Variants in ATG4C observed in about 807,000 individuals in gnomAD.
ATG4C encodes the protein cysteine protease ATG4C.
Under a neutral mutation model 57.6 loss-of-function variants are expected in ATG4C, and 56 were observed. The observed-to-expected ratio is 0.97, with a 90% confidence interval of 0.78 to 1.21. The LOEUF (loss-of-function observed/expected upper bound fraction) is 1.21. ATG4C is among the 50% of genes most tolerant of loss of function. The pLI is 0.00. For missense variants in ATG4C, 595 were observed against 529.8 expected, an observed-to-expected ratio of 1.12 and a Z score of -1.21; for synonymous variants, 157 against 174.1, an observed-to-expected ratio of 0.90 and a Z score of 0.78.
chr1:62,804,070 C>A (rs555801697), intron 2 of ATG4C, among the ~76,000 whole-genome samples: 2 of 150,440 alleles, frequency 1.3e-5, no homozygotes, highest in Non-Finnish European at 3.0e-5. Context: ...CTCAAGCATA[C>A]GATGTGGTCT....
At chr1:62,797,802 A>G (rs1664523270) in intron 1 of ATG4C, among the ~76,000 whole-genome samples, 1 of 151,830 alleles carries the variant, frequency 6.6e-6, no homozygotes, top group Non-Finnish European at 1.5e-5. Flanking sequence ...CTGGTTTTGT[A>G]TATACCATGC....
At chr1:62,846,427 A>T (rs147103323) in intron 10 of ATG4C, among the ~76,000 whole-genome samples, 1 of 152,162 alleles carries the variant, frequency 6.6e-6, no homozygotes, top group Non-Finnish European at 1.5e-5. Context: ...TGATGATCTC[A>T]TGCAGTCATA....
intron 10 of ATG4C, among the ~76,000 whole-genome samples, chr1:62,844,517 A>G (rs932200265): frequency 1.3e-5 from 2 of 152,188 alleles, no homozygotes; most frequent in East Asian, 1.9e-4. Flanking sequence ...GAATAATACT[A>G]TGGAGAGTCT....
chr1:62,803,233 A>C (rs1222361494), intron 1 of ATG4C, among the ~76,000 whole-genome samples: 1 of 152,232 alleles, frequency 6.6e-6, no homozygotes, highest in African/African-American at 2.4e-5. Context: ...AAACAAAACA[A>C]AATAATTAGA....
chr1:62,853,490 A>T (rs1666583306), intron 10 of ATG4C, among the ~76,000 whole-genome samples: 1 of 152,216 alleles, frequency 6.6e-6, no homozygotes, highest in South Asian at 2.1e-4. Context: ...TATGTTGCCC[A>T]GGCTGGAGTG....
chr1:62,816,582 T>G lies in ATG4C; in HGVS notation c.168T>G (p.Asp56Glu). The change falls in exon 4 of 11, where the codon GAT (aspartate) becomes GAG (glutamate). Residue 56 changes from aspartate to glutamate, a missense_variant. Asp to Glu is a conservative substitution (Grantham distance 45). Coordinates refer to ENST00000317868, the MANE Select transcript of ATG4C (RefSeq NM_032852.4). The stretch of plus-strand genomic sequence containing the variant: ...CGTATGTTTATTTTTTAGATGAAGA[T>G]AAAACGTTACCTGCAGAGTCGGGAT... The part of the protein sequence containing the change: ...KCYHFKYEDE[D>E]KTLPAESGCT... The G allele has an allele frequency of 6.2e-7, 1 of 1,605,130 alleles. No individual in the cohort carries two copies. The highest frequency in any genetic ancestry group is 8.5e-7 in the Non-Finnish European group (1 of 1,175,692).
At chr1:62,828,599 G>A (rs1665741899) in intron 6 of ATG4C, among the ~76,000 whole-genome samples, 1 of 152,060 alleles carries the variant, frequency 6.6e-6, no homozygotes, top group African/African-American at 2.4e-5. Context: ...CATTCAATAG[G>A]TTATCTGTTT....
At chr1:62,801,195 G>A (rs1159356580) in intron 1 of ATG4C, among the ~76,000 whole-genome samples, 2 of 152,174 alleles carry the variant, frequency 1.3e-5, no homozygotes, top group Non-Finnish European at 2.9e-5. Context: ...TAAGTACCAG[G>A]AACTATGCCA....
chr1:62,841,844 A>G (rs572097372), intron 10 of ATG4C, among the ~76,000 whole-genome samples: 1 of 152,368 alleles, frequency 6.6e-6, no homozygotes, highest in South Asian at 2.1e-4. Context: ...TTCTATTTGA[A>G]GAAGATTTTA....
chr1:62,814,163 C>T (rs1442706266), intron 3 of ATG4C, among the ~76,000 whole-genome samples: 2 of 152,184 alleles, frequency 1.3e-5, no homozygotes, highest in Non-Finnish European at 2.9e-5. Flanking sequence ...TATTGCGGCA[C>T]TATTCACAAT....
intron 10 of ATG4C, among the ~76,000 whole-genome samples, chr1:62,846,766 C>A (rs764108978): frequency 1.3e-5 from 2 of 152,172 alleles, no homozygotes; most frequent in Non-Finnish European, 2.9e-5. Context: ...ACTGCTCTTG[C>A]AACACTGGTC....
chr1:62,814,053 TAGAACC>T (rs1234133652), intron 3 of ATG4C, among the ~76,000 whole-genome samples: 1 of 152,168 alleles, frequency 6.6e-6, no homozygotes, highest in Admixed American at 6.5e-5. Context: ...CTCAAAGATC[TAGAACC>T]AGAAATATCA....
intron 10 of ATG4C, among the ~76,000 whole-genome samples, chr1:62,861,494 G>A (rs1311379443): frequency 2.6e-5 from 4 of 151,768 alleles, no homozygotes; most frequent in East Asian, 1.9e-4. Flanking sequence ...GCAGTGAGCC[G>A]TGAGCCGTGA....
chr1:62,816,175 AT>A (rs1041961007), intron 3 of ATG4C, among the ~76,000 whole-genome samples: 8 of 151,692 alleles, frequency 5.3e-5, no homozygotes, highest in South Asian at 4.2e-4. Flanking sequence ...TGAGTTAATG[AT>A]TTTTTTTCTT....
intron 6 of ATG4C, among the ~76,000 whole-genome samples, chr1:62,826,129 G>A (rs941940370): frequency 2.0e-4 from 31 of 151,622 alleles, no homozygotes; most frequent in African/African-American, 6.3e-4. Context: ...GGCTGGCCTC[G>A]AAGTCCTGAC....
rs1665760575 is a variant in ATG4C at position 62,829,108 on chromosome 1, GTTA to G, written c.871_873del (p.Ile291del). Reference sequence around the variant, plus strand: ...TTCTGATAATGCAGATGACAAAGCTGTTATTATTCTAGTTCCTGTTAGACTTGG... The same window carrying G: ...TTCTGATAATGCAGATGACAAAGCTGTTATTCTAGTTCCTGTTAGACTTGG... On this transcript the variant is annotated inframe_deletion, in exon 7 of 11. Transcript: ENST00000317868. 1 of 1,612,982 alleles carries G rather than the reference GTTA, an allele frequency of 6.2e-7. No individual in the cohort carries two copies.
intron 10 of ATG4C, among the ~76,000 whole-genome samples, chr1:62,863,645 T>G (rs1435965231): frequency 6.6e-6 from 1 of 152,066 alleles, no homozygotes; most frequent in Non-Finnish European, 1.5e-5. Context: ...ACCATTTTGT[T>G]TCATTGTCTA....
chr1:62,818,024 G>A (rs185556900), intron 4 of ATG4C, among the ~76,000 whole-genome samples: 350 of 152,082 alleles, frequency 2.3e-3, no homozygotes, highest in Non-Finnish European at 3.5e-3. Flanking sequence ...TGCAGTCATG[G>A]GCAAGGATTG....
chr1:62,851,177 A>G (rs913061624), intron 10 of ATG4C, among the ~76,000 whole-genome samples: 8 of 152,080 alleles, frequency 5.3e-5, no homozygotes, highest in Admixed American at 2.0e-4. Flanking sequence ...TACTTCTTCT[A>G]TTTTCCTTAA....
Sources: allele counts gnomAD v4.1 joint callset (sites outside exome capture counted in the v4.1 genomes callset), GRCh38; gene constraint gnomAD v4.1.1; transcripts MANE v1.5; gene names NCBI Gene and HGNC (gene_info 2026-07-23, HGNC 2026-07-21).